The following PHLDB2 variants were observed in gnomAD, a reference collection of about 807,000 sequenced individuals.
PHLDB2 encodes pleckstrin homology like domain family B member 2, also known as pleckstrin homology-like domain family B member 2.
A neutral mutation model predicts 123.6 loss-of-function variants in PHLDB2; 71 were observed. The observed-to-expected ratio is 0.57, with a 90% CI of 0.47 to 0.70. The LOEUF is 0.70. Ranked by LOEUF, PHLDB2 falls within the 30% of genes least tolerant of loss-of-function variation. PHLDB2 has a pLI of 0.00. For missense variants in PHLDB2, 1,446 were observed against 1,519.5 expected (o/e 0.95, Z 0.80); for synonymous variants, 547 against 541.6 (o/e 1.01, Z -0.14).
chr3:111,960,477 C>T (rs1443408351), intron 12 of PHLDB2, among the ~76,000 whole-genome samples: 2 of 152,202 alleles, frequency 1.3e-5, no homozygotes, highest in Non-Finnish European at 2.9e-5. Context: ...TCTAAAACCA[C>T]TCCAAATACT....
chr3:111,934,534 T>C (rs1299017890), intron 6 of PHLDB2, among the ~76,000 whole-genome samples: 1 of 152,252 alleles, frequency 6.6e-6, no homozygotes, highest in African/African-American at 2.4e-5. Context: ...AACTGCATAT[T>C]GAATACTTCA....
intron 1 of PHLDB2, among the ~76,000 whole-genome samples, chr3:111,765,739 A>G (rs1401408465): frequency 6.6e-6 from 1 of 152,244 alleles, no homozygotes; most frequent in Non-Finnish European, 1.5e-5. Flanking sequence ...GAACTAGGTT[A>G]TATCCAGAAG....
intron 1 of PHLDB2, among the ~76,000 whole-genome samples, chr3:111,834,278 ATATAATTCT>A (rs2063292229): frequency 1.5e-5 from 2 of 134,916 alleles, no homozygotes; most frequent in South Asian, 4.4e-4. Context: ...TACATAATAT[ATATAATTCT>A]ATTATATACA....
chr3:111,914,463 A>G (rs959410067), intron 3 of PHLDB2: 2 of 152,152 alleles, frequency 1.3e-5, no homozygotes, highest in Non-Finnish European at 2.9e-5. Flanking sequence ...AGTGTTCTCC[A>G]TACACTTGCC....
chr3:111,884,096 A>G lies in PHLDB2; in HGVS notation c.19A>G (p.Ile7Val), dbSNP rs1347299092. The G allele has an allele frequency of 3.1e-6, 5 of 1,613,690 alleles. No homozygotes were observed. The highest frequency in any genetic ancestry group is 3.4e-6 in the Non-Finnish European group (4 of 1,179,828). The change falls in exon 2 of 18, where the codon ATA becomes GTA. Residue 7 changes from isoleucine to valine, a missense_variant. Ile to Val is a conservative substitution (Grantham distance 29). This residue lies in a region of PHLDB2 where 832 missense variants were observed against 831.9 expected (regional missense o/e 1.00). Transcript: ENST00000431670. The part of the protein sequence containing the change: MEEHSY[I>V]QKELDLQNGS... ...CAAGATTATGGAAGAGCATAGCTAC[A>G]TACAAAAGGAGCTAGATTTACAAAA...
intron 1 of PHLDB2, among the ~76,000 whole-genome samples, chr3:111,794,790 C>T (rs1031778178): frequency 6.6e-6 from 1 of 152,170 alleles, no homozygotes; most frequent in Non-Finnish European, 1.5e-5. Context: ...ATTTGATCAA[C>T]CCTTGCCATT....
At chr3:111,896,352 T>TC (rs113582050) in intron 2 of PHLDB2, among the ~76,000 whole-genome samples, 11,408 of 87,430 alleles carry the variant, frequency 0.13, 530 homozygotes, top group Middle Eastern at 0.18. Context: ...TCTTTTTTCT[T>TC]CCCCCGCCCC....
intron 6 of PHLDB2, among the ~76,000 whole-genome samples, chr3:111,933,091 C>A (rs1294061683): frequency 6.6e-6 from 1 of 152,192 alleles, no homozygotes; most frequent in Non-Finnish European, 1.5e-5. Context: ...AGCAAGACTT[C>A]CTAGGTGGAT....
At chr3:111,918,845 G>C (rs6773761) in intron 3 of PHLDB2, among the ~76,000 whole-genome samples, 122,825 of 151,698 alleles carry the variant, frequency 0.81, 50,838 homozygotes, top group Middle Eastern at 0.92. Flanking sequence ...ATGAATTGGT[G>C]AACTGAAGTT....
intron 1 of PHLDB2, among the ~76,000 whole-genome samples, chr3:111,774,660 A>AT (rs1396349430): frequency 6.6e-6 from 1 of 152,194 alleles, no homozygotes; most frequent in African/African-American, 2.4e-5. Flanking sequence ...GCATGTGTGT[A>AT]TCCTGACTAG....
At chr3:111,951,388 A>G (rs776811795) in intron 10 of PHLDB2, among the ~76,000 whole-genome samples, 70 of 152,340 alleles carry the variant, frequency 4.6e-4, no homozygotes, top group Admixed American at 1.2e-3. Flanking sequence ...CCTGGCACAT[A>G]GCTCTTAATT....
At position 111,884,377 on chromosome 3, in the gene PHLDB2, C is replaced by A; in HGVS notation, c.300C>A (p.Asp100Glu). The A allele has an allele frequency of 6.2e-7, 1 of 1,614,132 alleles. No homozygotes were observed. Among genetic ancestry groups the A allele is most frequent in the Non-Finnish European group, 8.5e-7 (1 of 1,180,002 alleles). The change falls in exon 2 of 18, where the codon GAC becomes GAA. Residue 100 changes from aspartate (D) to glutamate (E), a missense_variant. By Grantham distance (45) the Asp-to-Glu change is conservative. Coordinates refer to ENST00000431670, the MANE Select transcript of PHLDB2 (RefSeq NM_001134438.2). ...AGCAGTTCTCTTATGATGGAACTGA[C>A]AAAAATATTCCTATGAAACCTCCAA... ...GSKQFSYDGT[D>E]KNIPMKPPTP... is the part of the protein sequence containing the mutation.
Position 111,939,629 on chromosome 3 carries a change from A to G in PHLDB2, c.2285A>G (p.Lys762Arg), listed in dbSNP as rs1275218659. 1 of 1,607,806 alleles carries G rather than the reference A, an allele frequency of 6.2e-7. No homozygotes were observed. The part of the protein sequence containing the change: ...AEYQRNIVSR[K>R]EKISALKKQA... ...TATCAACGGAACATCGTTTCTAGAAAGGTACTTTTTCCAGGTGTCATTCAA... is the reference window on the plus strand; with the variant it reads ...TATCAACGGAACATCGTTTCTAGAAGGGTACTTTTTCCAGGTGTCATTCAA... Residue 762 changes from lysine to arginine, a missense_variant and splice_region_variant, in exon 7 of 18, where the codon AAG (lysine) becomes AGG (arginine). Transcript: ENST00000431670.
intron 1 of PHLDB2, among the ~76,000 whole-genome samples, chr3:111,746,780 T>C (rs910908875): frequency 7.2e-5 from 11 of 152,296 alleles, no homozygotes; most frequent in Non-Finnish European, 1.2e-4. Flanking sequence ...AAAAATTTTC[T>C]TTTTAATTTG....
chr3:111,925,681 C>T (rs921803599), intron 5 of PHLDB2, among the ~76,000 whole-genome samples: 1 of 152,154 alleles, frequency 6.6e-6, no homozygotes, highest in African/African-American at 2.4e-5. Flanking sequence ...ACCATGAAGC[C>T]CAGCTTGGGC....
At chr3:111,956,987 T>G (rs1471247496) in intron 12 of PHLDB2, 3 of 152,378 alleles carry the variant, frequency 2.0e-5, no homozygotes, top group East Asian at 1.9e-4. Flanking sequence ...AATACACCTT[T>G]TTTTGCTGCT....
chr3:111,843,751 T>C (rs1368442090), intron 1 of PHLDB2, among the ~76,000 whole-genome samples: 4 of 152,204 alleles, frequency 2.6e-5, no homozygotes, highest in African/African-American at 4.8e-5. Context: ...TTATCAGATA[T>C]ATAATTTACA....
intron 8 of PHLDB2, among the ~76,000 whole-genome samples, chr3:111,941,978 C>T (rs1425702457): frequency 6.6e-6 from 1 of 152,188 alleles, no homozygotes; most frequent in Non-Finnish European, 1.5e-5. Context: ...TGTATTTTCC[C>T]TCTCTATCCC....
chr3:111,902,311 G>C lies in PHLDB2; in HGVS notation c.1336-11008G>C, dbSNP rs1399179474. 2.6e-5 allele frequency among the ~76,000 whole-genome samples: 4 copies of C among 152,062 alleles called. No homozygotes were observed. The East Asian group carries it at 5.8e-4, about 22-fold the overall frequency. ...TTAATGTAAATGAAAATCAAAATAG[G>C]CTGGGCATGGTAGCTCATGCCTGTA... On this transcript the variant is annotated intron_variant, in intron 2 of 17. Coordinates refer to ENST00000431670, the MANE Select transcript of PHLDB2 (RefSeq NM_001134438.2).
Sources: allele counts gnomAD v4.1 joint callset (sites outside exome capture counted in the v4.1 genomes callset), GRCh38; gene constraint gnomAD v4.1.1; regional missense constraint gnomAD v4.1.1; transcripts MANE v1.5; gene names NCBI Gene and HGNC (gene_info 2026-07-23, HGNC 2026-07-21).